The following NELL1 variants were observed in gnomAD, a reference collection of about 807,000 sequenced individuals.
NELL1 encodes the protein neural EGFL like 1, also known as protein kinase C-binding protein NELL1.
Under a neutral mutation model 107.4 loss-of-function variants are expected in NELL1, and 76 were observed. That is an observed-to-expected ratio of 0.71 (90% CI 0.59 to 0.86). NELL1 has a LOEUF of 0.86. Among genes scored for constraint, NELL1 ranks in the 40% least tolerant of loss-of-function variants. NELL1 has a pLI of 0.00. For missense variants in NELL1, 1,024 were observed against 1,005.5 expected (o/e 1.02, Z -0.25); for synonymous variants, 353 against 341.2 (o/e 1.03, Z -0.38).
intron 14 of NELL1, among the ~76,000 whole-genome samples, chr11:21,303,434 C>G (rs1205772171): frequency 6.6e-6 from 1 of 151,856 alleles, no homozygotes; most frequent in Non-Finnish European, 1.5e-5. Context: ...ATTATCTTAC[C>G]CTAGTCAGAA....
At chr11:20,901,957 C>G (rs978188278) in intron 5 of NELL1, among the ~76,000 whole-genome samples, 1 of 151,888 alleles carries the variant, frequency 6.6e-6, no homozygotes, top group African/African-American at 2.4e-5. Flanking sequence ...TTTTTGTGTA[C>G]AGTATAAGGA....
chr11:20,699,638 G>T (rs959959010), intron 2 of NELL1, among the ~76,000 whole-genome samples: 1 of 152,136 alleles, frequency 6.6e-6, no homozygotes, highest in Non-Finnish European at 1.5e-5. Flanking sequence ...GATTACAGGC[G>T]TGAGCCACTG....
chr11:21,501,152 T>G (rs1227689318), intron 15 of NELL1, among the ~76,000 whole-genome samples: 1 of 152,176 alleles, frequency 6.6e-6, no homozygotes, highest in South Asian at 2.1e-4. Flanking sequence ...TGTGTCTGTA[T>G]GTGTGTATGC....
intron 1 of NELL1, among the ~76,000 whole-genome samples, chr11:20,672,982 C>CT (rs951699842): frequency 1.9e-5 from 2 of 105,912 alleles, no homozygotes; most frequent in African/African-American, 3.8e-5. Flanking sequence ...CCCCCCCCCC[C>CT]CCCCCGAGTA....
chr11:20,829,683 A>G (rs75240981), intron 3 of NELL1, among the ~76,000 whole-genome samples: 2,248 of 152,150 alleles, frequency 0.015, 58 homozygotes, highest in African/African-American at 0.051. Context: ...AATTTGTCAG[A>G]CTTTCCTATC....
At chr11:21,557,480 C>A (rs1361492517) in intron 16 of NELL1, among the ~76,000 whole-genome samples, 1 of 151,982 alleles carries the variant, frequency 6.6e-6, no homozygotes, top group Admixed American at 6.6e-5. Context: ...TTAGAGAAAG[C>A]CATAAATTAC....
chr11:21,234,758 A>C (rs1444852472), intron 14 of NELL1, among the ~76,000 whole-genome samples: 8 of 152,184 alleles, frequency 5.3e-5, no homozygotes, highest in Non-Finnish European at 8.8e-5. Context: ...AAAACACAGA[A>C]AGCCAGAAGC....
At chr11:20,841,419 A>G (rs1297551302) in intron 3 of NELL1, among the ~76,000 whole-genome samples, 1 of 150,810 alleles carries the variant, frequency 6.6e-6, no homozygotes, top group East Asian at 2.0e-4. Flanking sequence ...GCCCAGGGAG[A>G]AGGCGGGGTA....
At chr11:21,571,087 T>C in intron 18 of NELL1, 147 bp downstream of exon 18, 2 of 620,122 alleles carry the variant, frequency 3.2e-6, no homozygotes, top group South Asian at 5.0e-5. Context: ...GTTCTCTTCC[T>C]AAAGATATTC....
At chr11:21,564,676 T>C (rs573508729) in intron 17 of NELL1, among the ~76,000 whole-genome samples, 1 of 151,950 alleles carries the variant, frequency 6.6e-6, no homozygotes, top group South Asian at 2.1e-4. Context: ...ACTTGAGCAG[T>C]GTTAGTTCTT....
chr11:21,262,499 A>G (rs1331291010), intron 14 of NELL1: 2 of 151,936 alleles, frequency 1.3e-5, no homozygotes, highest in African/African-American at 4.8e-5. Flanking sequence ...TATCTGGCAC[A>G]TGGCAAACAA....
intron 15 of NELL1, among the ~76,000 whole-genome samples, chr11:21,462,686 C>T (rs1486485513): frequency 6.6e-6 from 1 of 152,034 alleles, no homozygotes. Flanking sequence ...CATCCTGCAG[C>T]TCCAGGATAT....
At chr11:21,543,142 A>G (rs1397667146) in intron 16 of NELL1, among the ~76,000 whole-genome samples, 1 of 152,056 alleles carries the variant, frequency 6.6e-6, no homozygotes, top group African/African-American at 2.4e-5. Flanking sequence ...TATGCTAAAC[A>G]ATAAGACCCA....
At chr11:20,702,863 T>G (rs1443219665) in intron 2 of NELL1, among the ~76,000 whole-genome samples, 1 of 152,192 alleles carries the variant, frequency 6.6e-6, no homozygotes, top group Non-Finnish European at 1.5e-5. Context: ...TGAAGCCCAC[T>G]TCATCATGGT....
chr11:21,305,489 T>C (rs759721014), intron 14 of NELL1, among the ~76,000 whole-genome samples: 1 of 151,938 alleles, frequency 6.6e-6, no homozygotes, highest in African/African-American at 2.4e-5. Flanking sequence ...TTCTAGCAAG[T>C]GAAATGCAGC....
At chr11:21,122,925 A>G (rs1855402103) in intron 13 of NELL1, among the ~76,000 whole-genome samples, 1 of 152,152 alleles carries the variant, frequency 6.6e-6, no homozygotes, top group Admixed American at 6.6e-5. Context: ...GCTCCATGAA[A>G]TCCTCAGTGG....
chr11:20,725,335 C>T, intron 2 of NELL1, among the ~76,000 whole-genome samples: 1 of 152,162 alleles, frequency 6.6e-6, no homozygotes, highest in Non-Finnish European at 1.5e-5. Context: ...TGAGATATTT[C>T]CTGTGTCAGT....
intron 13 of NELL1, among the ~76,000 whole-genome samples, chr11:21,177,468 T>G (rs1349827101): frequency 6.6e-6 from 1 of 151,872 alleles, no homozygotes; most frequent in East Asian, 1.9e-4. Flanking sequence ...CGAAGAGTAT[T>G]CTATTGTGTA....
intron 2 of NELL1, among the ~76,000 whole-genome samples, chr11:20,776,434 T>G (rs1412200559): frequency 1.3e-5 from 2 of 151,816 alleles, no homozygotes; most frequent in African/African-American, 2.4e-5. Context: ...GGTGACAGAG[T>G]GAGATACTGT....
Sources: gnomAD v4.1 joint callset for allele counts (sites outside exome capture counted in the v4.1 genomes callset) on GRCh38, gnomAD v4.1.1 for gene constraint, MANE v1.5 for transcripts, NCBI Gene and HGNC (gene_info 2026-07-23, HGNC 2026-07-21) for gene names.